The following RBMS3 variants were observed in gnomAD, a reference collection of about 807,000 sequenced individuals.
The protein encoded by RBMS3 is RNA binding motif single stranded interacting protein 3, also known as RNA-binding motif, single-stranded-interacting protein 3.
A neutral mutation model predicts 66.8 loss-of-function variants in RBMS3; 27 were observed. The ratio of observed to expected loss-of-function variants is 0.40; its 90% CI spans 0.30 to 0.56. The LOEUF (loss-of-function observed/expected upper bound fraction) is 0.56. Among genes scored for constraint, RBMS3 ranks in the 20% least tolerant of loss-of-function variants. The pLI is 0.40. For missense variants in RBMS3, 513 were observed against 549.5 expected, an observed-to-expected ratio of 0.93 and a Z score of 0.66; for synonymous variants, 188 against 183.0, an observed-to-expected ratio of 1.03 and a Z score of -0.22.
chr3:29,623,417 C>A (rs1462614286), intron 4 of RBMS3, among the ~76,000 whole-genome samples: 1 of 151,326 alleles, frequency 6.6e-6, no homozygotes, highest in East Asian at 2.0e-4. Context: ...ACGGTGAAAC[C>A]CCGTCTCTAC....
At chr3:29,744,785 G>GAAAAA (rs1553655159) in intron 5 of RBMS3, among the ~76,000 whole-genome samples, 1 of 138,198 alleles carries the variant, frequency 7.2e-6, no homozygotes, top group Non-Finnish European at 1.6e-5. Context: ...CTCCGTCTCG[G>GAAAAA]AAAAAAAAAA....
chr3:29,643,764 G>C (rs1373082433), intron 4 of RBMS3, among the ~76,000 whole-genome samples: 1 of 152,078 alleles, frequency 6.6e-6, no homozygotes, highest in Non-Finnish European at 1.5e-5. Context: ...GACAGTTAAT[G>C]GATATTTAGT....
chr3:29,878,008 G>A (rs902137490), intron 7 of RBMS3, among the ~76,000 whole-genome samples: 8 of 152,072 alleles, frequency 5.3e-5, no homozygotes, highest in Admixed American at 2.0e-4. Flanking sequence ...TAAGTTTTCC[G>A]TTGACAGGGG....
intron 7 of RBMS3, among the ~76,000 whole-genome samples, chr3:29,871,161 T>G (rs888698396): frequency 6.6e-6 from 1 of 152,190 alleles, no homozygotes; most frequent in Non-Finnish European, 1.5e-5. Flanking sequence ...TATTTGATTC[T>G]AAGACACATG....
intron 1 of RBMS3, among the ~76,000 whole-genome samples, chr3:29,417,476 T>C (rs1451938192): frequency 2.0e-5 from 3 of 152,140 alleles, no homozygotes; most frequent in South Asian, 2.1e-4. Context: ...TAGCTCTCCC[T>C]AATATTATCT....
At chr3:29,934,254 C>A (rs2122221) in intron 10 of RBMS3, 2 of 151,610 alleles carry the variant, frequency 1.3e-5, no homozygotes, top group Non-Finnish European at 2.9e-5. Context: ...AGAAGAGAAT[C>A]GAAGTCTTGC....
chr3:29,557,207 T>C (rs2046396135), intron 3 of RBMS3, among the ~76,000 whole-genome samples: 1 of 152,242 alleles, frequency 6.6e-6, no homozygotes, highest in South Asian at 2.1e-4. Flanking sequence ...TCTGAGTTAA[T>C]AAATCTTTTA....
intron 4 of RBMS3, among the ~76,000 whole-genome samples, chr3:29,590,793 G>A (rs2047706890): frequency 6.6e-6 from 1 of 152,102 alleles, no homozygotes; most frequent in Non-Finnish European, 1.5e-5. Context: ...GTAGGAAGAA[G>A]GCCATAGATA....
rs1491567884 is a variant in RBMS3 at position 29,527,181 on chromosome 3, T to TTAAAAAAAAAAA, written c.307+38682_307+38683insTAAAAAAAAAAA. On this transcript the variant is annotated intron_variant, in intron 3 of 14. Coordinates refer to ENST00000383767, the MANE Select transcript of RBMS3 (RefSeq NM_001003793.3). Reference sequence around the variant, plus strand: ...TTTCAGACGTGATTGTTAGGTAGAGTAAAAAAAAAAAAAAAAAAAAAAAAA... The same window carrying TTAAAAAAAAAAA: ...TTTCAGACGTGATTGTTAGGTAGAGTTAAAAAAAAAAAAAAAAAAAAAAAAAAAAAAAAAAAA... Among the ~76,000 whole-genome samples the TTAAAAAAAAAAA allele has an allele frequency of 4.4e-3, 386 of 87,806 alleles. 51 individuals are homozygous for TTAAAAAAAAAAA. Among genetic ancestry groups the TTAAAAAAAAAAA allele is most frequent in the African/African-American group, 0.016 (333 of 21,062 alleles). The allele number at this position is 87,806 out of a possible 152,430, so 57.6% of individuals were successfully genotyped here.
intron 12 of RBMS3, among the ~76,000 whole-genome samples, chr3:29,972,185 AT>A (rs145595250): frequency 3.4e-5 from 5 of 147,120 alleles, no homozygotes; most frequent in African/African-American, 5.0e-5. Flanking sequence ...TCTCCTTTCT[AT>A]TTTTTTTTTG....
chr3:29,732,917 A>G (rs372901188), intron 4 of RBMS3, among the ~76,000 whole-genome samples: 1 of 152,064 alleles, frequency 6.6e-6, no homozygotes. Context: ...CAAGTCAAAC[A>G]ATATCCCTTA....
At chr3:29,990,572 GAAAAC>G (rs1387807515) in intron 13 of RBMS3, among the ~76,000 whole-genome samples, 1 of 151,088 alleles carries the variant, frequency 6.6e-6, no homozygotes, top group African/African-American at 2.4e-5. Context: ...TCATATACCA[GAAAAC>G]AAAACAAATC....
rs3773062 is a variant in RBMS3 at position 29,536,319 on chromosome 3, C to G, written c.307+47820C>G. Among the ~76,000 whole-genome samples the G allele has an allele frequency of 6.4e-3, 973 of 152,148 alleles. 24 individuals carry two copies. The highest frequency in any genetic ancestry group is 0.054 in the Admixed American group (827 of 15,260). ...GTGCATGTGACTATTTTTCAATAACCAAGTAACACTAGTATTAATAACATG... is the reference window on the plus strand; with the variant it reads ...GTGCATGTGACTATTTTTCAATAACGAAGTAACACTAGTATTAATAACATG... On this transcript the variant is annotated intron_variant, in intron 3 of 14. Transcript: ENST00000383767.
intron 1 of RBMS3, among the ~76,000 whole-genome samples, chr3:29,367,643 T>C (rs151250941): frequency 5.5e-4 from 83 of 152,292 alleles, no homozygotes; most frequent in African/African-American, 1.8e-3. Context: ...CTTATAGGAA[T>C]ATAATTGCTT....
intron 6 of RBMS3, among the ~76,000 whole-genome samples, chr3:29,835,428 G>A (rs1156598142): frequency 6.6e-6 from 1 of 151,922 alleles, no homozygotes; most frequent in Non-Finnish European, 1.5e-5. Context: ...ATCATATTAA[G>A]CATATTTCTG....
At chr3:29,923,636 G>A (rs560164879) in intron 10 of RBMS3, among the ~76,000 whole-genome samples, 7 of 152,164 alleles carry the variant, frequency 4.6e-5, no homozygotes, top group African/African-American at 1.7e-4. Flanking sequence ...AAAAAAAACT[G>A]GTTCTGAATA....
chr3:29,614,209 T>TA (rs1351830317), intron 4 of RBMS3, among the ~76,000 whole-genome samples: 1 of 152,014 alleles, frequency 6.6e-6, no homozygotes, highest in Non-Finnish European at 1.5e-5. Context: ...TTAAGTGAAA[T>TA]AAGCCAGGCA....
chr3:29,426,117 G>A (rs924933861), intron 1 of RBMS3, among the ~76,000 whole-genome samples: 1 of 152,060 alleles, frequency 6.6e-6, no homozygotes, highest in Admixed American at 6.6e-5. Flanking sequence ...TATTTTCAAG[G>A]TATACACTTG....
chr3:29,779,864 T>A (rs1051283187), intron 6 of RBMS3, among the ~76,000 whole-genome samples: 3 of 147,168 alleles, frequency 2.0e-5, no homozygotes, highest in African/African-American at 7.4e-5. Flanking sequence ...TTGAGTAAGC[T>A]TTTTTTTTTA....
Sources: gnomAD v4.1 joint callset for allele counts (sites outside exome capture counted in the v4.1 genomes callset) on GRCh38, gnomAD v4.1.1 for gene constraint, MANE v1.5 for transcripts, NCBI Gene and HGNC (gene_info 2026-07-23, HGNC 2026-07-21) for gene names.